FAXDC2: variants seen among roughly 807,000 people sequenced by gnomAD.
The protein encoded by FAXDC2 is fatty acid hydroxylase domain-containing protein 2.
Under a neutral mutation model 40.9 loss-of-function variants are expected in FAXDC2, and 41 were observed. That is an observed-to-expected ratio of 1.00 (90% CI 0.78 to 1.30). The LOEUF (loss-of-function observed/expected upper bound fraction) is 1.30. Among genes scored for constraint, FAXDC2 ranks in the 50% most tolerant of loss-of-function variants. The pLI, the probability that FAXDC2 is intolerant of heterozygous loss-of-function variation, is 0.00. For synonymous variants in FAXDC2, 157 were observed against 149.3 expected (o/e 1.05, Z -0.38); for missense variants, 390 against 408.8 (o/e 0.95, Z 0.40).
At chr5:154,845,226 TTA>T (rs1294416405) in intron 1 of FAXDC2, among the ~76,000 whole-genome samples, 1 of 152,228 alleles carries the variant, frequency 6.6e-6, no homozygotes, top group Non-Finnish European at 1.5e-5. Flanking sequence ...GTTTTCAGTT[TTA>T]CATGAACATG....
chr5:154,845,022 G>GT (rs1760567308), intron 1 of FAXDC2, among the ~76,000 whole-genome samples: 1 of 152,214 alleles, frequency 6.6e-6, no homozygotes, highest in Admixed American at 6.5e-5. Context: ...GCATTTATCT[G>GT]TTGACATCTC....
At chr5:154,835,656 CT>C (rs1227217612) in intron 2 of FAXDC2, among the ~76,000 whole-genome samples, 1 of 152,088 alleles carries the variant, frequency 6.6e-6, no homozygotes, top group Non-Finnish European at 1.5e-5. Context: ...TCTTGGCTCA[CT>C]GCCAGCTCCG....
At chr5:154,840,092 T>G (rs1219888220) in intron 1 of FAXDC2, among the ~76,000 whole-genome samples, 2 of 152,196 alleles carry the variant, frequency 1.3e-5, no homozygotes, top group Non-Finnish European at 2.9e-5. Context: ...AGAGCCAGGC[T>G]TAGGACCCAG....
At chr5:154,846,346 A>G (rs2113173281) in intron 1 of FAXDC2, among the ~76,000 whole-genome samples, 1 of 152,004 alleles carries the variant, frequency 6.6e-6, no homozygotes, top group Non-Finnish European at 1.5e-5. Context: ...CATTCTTTCA[A>G]GAAACATTTA....
chr5:154,829,206 G>C (rs1760127809), intron 5 of FAXDC2, among the ~76,000 whole-genome samples: 1 of 152,098 alleles, frequency 6.6e-6, no homozygotes. Context: ...AATTTTCTTA[G>C]TGAAATGGGA....
chr5:154,837,070 T>G (rs1760364744), intron 2 of FAXDC2, among the ~76,000 whole-genome samples: 1 of 152,160 alleles, frequency 6.6e-6, no homozygotes, highest in Non-Finnish European at 1.5e-5. Flanking sequence ...GAACTGTTTC[T>G]TCTCAGCATT....
chr5:154,840,510 C>T (rs1268331701), intron 1 of FAXDC2, among the ~76,000 whole-genome samples: 1 of 152,102 alleles, frequency 6.6e-6, no homozygotes, highest in Non-Finnish European at 1.5e-5. Flanking sequence ...AGGTGTACAC[C>T]ACCATGCCCA....
chr5:154,840,010 A>G (rs910110606), intron 1 of FAXDC2, among the ~76,000 whole-genome samples: 1 of 152,180 alleles, frequency 6.6e-6, no homozygotes, highest in East Asian at 1.9e-4. Flanking sequence ...TGGTCCCACC[A>G]TGTTACAAGG....
intron 1 of FAXDC2, among the ~76,000 whole-genome samples, chr5:154,842,031 C>T: frequency 6.6e-6 from 1 of 152,024 alleles, no homozygotes; most frequent in African/African-American, 2.4e-5. Flanking sequence ...AGCCACCGTG[C>T]CTGGCTTGTG....
chr5:154,827,421 TTGTGTGTGTG>T (rs10528622), intron 5 of FAXDC2, among the ~76,000 whole-genome samples: 17 of 138,590 alleles, frequency 1.2e-4, no homozygotes, highest in Admixed American at 5.8e-4. Flanking sequence ...TTCTGTTATT[TTGTGTGTGTG>T]TGTGTGTGTG....
chr5:154,838,485 A>G (rs1040044061), intron 1 of FAXDC2: 1 of 340,004 alleles, frequency 2.9e-6, no homozygotes, highest in Non-Finnish European at 5.4e-6. Context: ...TACGTTGCCC[A>G]GGCTGGTCTC....
chr5:154,847,367 A>G (rs1048482116), intron 1 of FAXDC2, among the ~76,000 whole-genome samples: 1 of 152,240 alleles, frequency 6.6e-6, no homozygotes, highest in Non-Finnish European at 1.5e-5. Flanking sequence ...TACAACTTCA[A>G]GAATCTGAGT....
intron 2 of FAXDC2, among the ~76,000 whole-genome samples, chr5:154,835,427 G>C (rs1275919002): frequency 6.6e-6 from 1 of 152,172 alleles, no homozygotes; most frequent in African/African-American, 2.4e-5. Context: ...GGTTGAGATA[G>C]TCATCATAGC....
chr5:154,825,323 T>C (rs1028936057), intron 5 of FAXDC2, among the ~76,000 whole-genome samples: 31 of 137,818 alleles, frequency 2.2e-4, no homozygotes, highest in African/African-American at 8.6e-4. Flanking sequence ...ACCGAGATCA[T>C]GCCACTGCAC....
At chr5:154,825,491 T>C (rs1760005779) in intron 5 of FAXDC2, among the ~76,000 whole-genome samples, 2 of 150,240 alleles carry the variant, frequency 1.3e-5, no homozygotes, top group Admixed American at 6.6e-5. Context: ...ACCCTGTCTC[T>C]ACTAAAAATA....
intron 4 of FAXDC2, among the ~76,000 whole-genome samples, chr5:154,832,274 C>T (rs1405892148): frequency 2.0e-5 from 3 of 149,556 alleles, no homozygotes; most frequent in African/African-American, 4.9e-5. Flanking sequence ...AGTGCAGTGG[C>T]GTGAGCTCAG....
At chr5:154,833,039 T>A (rs146591863) in intron 4 of FAXDC2, among the ~76,000 whole-genome samples, 2 of 152,038 alleles carry the variant, frequency 1.3e-5, no homozygotes, top group East Asian at 3.9e-4. Context: ...ATTTAAATAC[T>A]TCTTTTTTTT....
intron 1 of FAXDC2, among the ~76,000 whole-genome samples, chr5:154,843,273 G>C (rs559642194): frequency 6.6e-6 from 1 of 152,312 alleles, no homozygotes; most frequent in East Asian, 1.9e-4. Context: ...AAGTCTCCTA[G>C]CCTTTTCCCT....
At chr5:154,842,172 GTTGT>G (rs367798736) in intron 1 of FAXDC2, among the ~76,000 whole-genome samples, 128 of 151,946 alleles carry the variant, frequency 8.4e-4, no homozygotes, top group African/African-American at 2.0e-3. Context: ...CCCCACCCTT[GTTGT>G]TTGTTTGTGT....
Sources: allele counts gnomAD v4.1 joint callset (sites outside exome capture counted in the v4.1 genomes callset), GRCh38; gene constraint gnomAD v4.1.1; transcripts MANE v1.5; gene names NCBI Gene and HGNC (gene_info 2026-07-23, HGNC 2026-07-21).